The following ATXN7 variants were observed in gnomAD, a reference collection of about 807,000 sequenced individuals.
ATXN7 encodes the protein ataxin-7.
In ATXN7, 12 loss-of-function variants were observed where a neutral mutation model predicts 70.5. The observed-to-expected ratio is 0.17, with a 90% confidence interval of 0.11 to 0.28. The LOEUF (loss-of-function observed/expected upper bound fraction) is 0.28, where lower values mean the gene tolerates loss of function less well. Among genes scored for constraint, ATXN7 ranks in the 10% least tolerant of loss-of-function variants. The probability of loss-of-function intolerance (pLI) is 1.00; values close to 1 mark genes in which losing one functional copy is unlikely to be tolerated. For synonymous variants in ATXN7, 498 were observed against 448.7 expected (o/e 1.11, Z -1.39); for missense variants, 1,256 against 1,131.7 (o/e 1.11, Z -1.58).
At chr3:63,973,256 C>T (rs2075342633) in intron 5 of ATXN7, among the ~76,000 whole-genome samples, 1 of 152,106 alleles carries the variant, frequency 6.6e-6, no homozygotes, top group South Asian at 2.1e-4. Flanking sequence ...GATTACTCAA[C>T]CCATACATAT....
At chr3:63,893,802 C>T (rs1703359934) in intron 1 of ATXN7, among the ~76,000 whole-genome samples, 1 of 135,734 alleles carries the variant, frequency 7.4e-6, no homozygotes, top group Admixed American at 8.2e-5. Context: ...AACTCTCTAA[C>T]CCTTGAAGAG....
intron 5 of ATXN7, chr3:63,967,923 C>G: frequency 2.6e-6 from 4 of 1,535,952 alleles, no homozygotes; most frequent in Non-Finnish European, 3.5e-6. Flanking sequence ...TGGAAGGTAG[C>G]AAGACGCCTC....
chr3:63,868,482 A>G (rs1702500464), intron 1 of ATXN7, among the ~76,000 whole-genome samples: 1 of 152,248 alleles, frequency 6.6e-6, no homozygotes, highest in African/African-American at 2.4e-5. Context: ...ATGTATATTC[A>G]TGGTATAGGA....
Position 64,000,231 on chromosome 3 carries a change from A to G in ATXN7, c.*764A>G, listed in dbSNP as rs142980121. On this transcript the variant is annotated 3_prime_UTR_variant, in exon 13 of 13. Transcript: ENST00000674280. ...CAATTCTGTGTGATTTTTTTTTTTA[A>G]GAAGAAAGAAAATGCAAGCTAGTTT... 9 of 148,404 alleles carry G rather than the reference A, an allele frequency of 6.1e-5. No homozygotes were observed. The East Asian group carries it at 1.8e-3, about 30-fold the overall frequency. The allele number at this position is 148,404 out of a possible 1,614,324, so 9.2% of individuals were successfully genotyped here. A position where few individuals can be genotyped will look rare whatever the true frequency, so the allele number is the denominator to read the frequency against.
chr3:63,927,717 A>G (rs1377050819), intron 4 of ATXN7, among the ~76,000 whole-genome samples: 1 of 151,904 alleles, frequency 6.6e-6, no homozygotes, highest in Non-Finnish European at 1.5e-5. Flanking sequence ...TCTGAATAGG[A>G]TATTTATTTT....
chr3:63,993,482 A>C (rs1247438458), intron 11 of ATXN7, among the ~76,000 whole-genome samples: 1 of 151,214 alleles, frequency 6.6e-6, no homozygotes, highest in African/African-American at 2.4e-5. Context: ...GAGTATAAAG[A>C]GGCATACATT....
chr3:63,900,270 A>T (rs1703586586), intron 2 of ATXN7, among the ~76,000 whole-genome samples: 1 of 152,250 alleles, frequency 6.6e-6, no homozygotes. Flanking sequence ...AACAAATGTG[A>T]TGCCACAATC....
intron 1 of ATXN7, among the ~76,000 whole-genome samples, chr3:63,897,795 T>C (rs1559623701): frequency 6.6e-6 from 1 of 152,244 alleles, no homozygotes; most frequent in Non-Finnish European, 1.5e-5. Context: ...CTGTAATTTA[T>C]TGACTCCTTA....
At chr3:63,866,094 C>T (rs1702417871) in intron 1 of ATXN7, among the ~76,000 whole-genome samples, 1 of 151,982 alleles carries the variant, frequency 6.6e-6, no homozygotes, top group African/African-American at 2.4e-5. Context: ...CTGAGTTATT[C>T]ATAAATGGAG....
intron 5 of ATXN7, chr3:63,967,694 G>T: frequency 9.0e-7 from 1 of 1,109,388 alleles, no homozygotes; most frequent in Non-Finnish European, 1.2e-6. Context: ...ATTTACACCA[G>T]CCAGGACGCC....
chr3:63,879,866 G>A (rs1164020676), intron 1 of ATXN7, among the ~76,000 whole-genome samples: 2 of 152,010 alleles, frequency 1.3e-5, no homozygotes, highest in East Asian at 1.9e-4. Flanking sequence ...GGTGGATCAC[G>A]AGGTCAGGAG....
Position 63,967,476 on chromosome 3 carries a change from T to G in ATXN7, c.500-12439T>G, listed in dbSNP as rs115987465. ...AGGTATTTTATAGAAATGTTTAACT[T>G]TAAGACCTTTAGGTCTACCGAGACT... On this transcript the variant is annotated intron_variant, in intron 5 of 12. Coordinates refer to ENST00000674280, the MANE Select transcript of ATXN7 (RefSeq NM_001377405.1). Among the ~76,000 whole-genome samples, 887 of 152,316 alleles carry G rather than the reference T, an allele frequency of 5.8e-3. 11 individuals are homozygous for G. The highest frequency in any genetic ancestry group is 0.02 in the African/African-American group (812 of 41,570).
intron 4 of ATXN7, among the ~76,000 whole-genome samples, chr3:63,951,495 A>G (rs181197519): frequency 3.9e-5 from 6 of 152,340 alleles, no homozygotes; most frequent in Non-Finnish European, 8.8e-5. Flanking sequence ...TTCATTGCAG[A>G]TATTCTAAAG....
chr3:63,979,322 G>T (rs868332236), intron 5 of ATXN7, among the ~76,000 whole-genome samples: 4 of 152,182 alleles, frequency 2.6e-5, no homozygotes, highest in Admixed American at 1.3e-4. Context: ...ATTAAAAAAG[G>T]GGGGGTGGGA....
intron 2 of ATXN7, among the ~76,000 whole-genome samples, chr3:63,902,826 AG>A (rs1703694093): frequency 6.6e-6 from 1 of 152,168 alleles, no homozygotes; most frequent in African/African-American, 2.4e-5. Context: ...TTTCAATATT[AG>A]TTTAGAGTTT....
intron 8 of ATXN7, among the ~76,000 whole-genome samples, chr3:63,984,210 T>TAA (rs530652733): frequency 1.0e-4 from 15 of 144,964 alleles, no homozygotes; most frequent in African/African-American, 1.5e-4. Flanking sequence ...ATCTCATTTT[T>TAA]AAAAAAAAAA....
At position 63,995,640 on chromosome 3, in the gene ATXN7, C is replaced by T. The variant is rs777861661; in HGVS notation, c.1818C>T (p.Leu606=). 5.6e-6 allele frequency: 9 copies of T among 1,614,084 alleles called. No homozygotes were observed. The highest frequency in any genetic ancestry group is 6.8e-6 in the Non-Finnish European group (8 of 1,180,044). ...AATVSTSPVL[L]SSTCISPNSK... ...CCGTCTCTACATCCCCAGTCCTGCT[C>T]TCATCTACCTGCATCTCCCCAAATA... The change falls in exon 12 of 13, where the codon CTC becomes CTT. Residue 606 remains leucine (L), a synonymous_variant. Transcript: ENST00000674280.
intron 2 of ATXN7, among the ~76,000 whole-genome samples, chr3:63,908,726 T>TTTTTG (rs776311181): frequency 6.6e-6 from 1 of 152,238 alleles, no homozygotes; most frequent in African/African-American, 2.4e-5. Flanking sequence ...AAAGGTCAAC[T>TTTTTG]TTTTGTTTTG....
chr3:63,990,638 CTG>C (rs2075655446), intron 10 of ATXN7, 98 bp from the exon 11 acceptor site: 2 of 1,566,652 alleles, frequency 1.3e-6, no homozygotes, highest in African/African-American at 2.7e-5. Flanking sequence ...AGAGGCAGTT[CTG>C]TCTTTCCTGA....
Sources: allele counts gnomAD v4.1 joint callset (sites outside exome capture counted in the v4.1 genomes callset), GRCh38; gene constraint gnomAD v4.1.1; transcripts MANE v1.5; gene names NCBI Gene and HGNC (gene_info 2026-07-23, HGNC 2026-07-21).